Variants in DNM3 observed in about 807,000 individuals in gnomAD.
DNM3 encodes dynamin 3.
In DNM3, 47 loss-of-function variants were observed where a neutral mutation model predicts 101.6. That is an observed-to-expected ratio of 0.46 (90% CI 0.37 to 0.59). The LOEUF (loss-of-function observed/expected upper bound fraction) is 0.59, where lower values mean the gene tolerates loss of function less well. Ranked by LOEUF, DNM3 falls within the 20% of genes least tolerant of loss-of-function variation. The pLI, the probability that DNM3 is intolerant of heterozygous loss-of-function variation, is 0.00. For synonymous variants in DNM3, 385 were observed against 387.9 expected (o/e 0.99, Z 0.09); for missense variants, 849 against 1,085.7 (o/e 0.78, Z 3.06).
rs57400212 is a variant in DNM3, at chr1:172,100,827, G to A, written c.1545+7952G>A. 4.1e-3 allele frequency among the ~76,000 whole-genome samples: 625 copies of A among 152,124 alleles called. 6 individuals carry two copies. Among genetic ancestry groups the A allele is most frequent in the African/African-American group, 0.014 (581 of 41,484 alleles). On this transcript the variant is annotated intron_variant, in intron 13 of 20. Coordinates refer to ENST00000627582, the MANE Select transcript of DNM3 (RefSeq NM_015569.5). ...TGTTCTGCTCTTTTGCTGTGGTTCT[G>A]TTCTTGCCCCAACGGACTGCAAGAT...
intron 17 of DNM3, among the ~76,000 whole-genome samples, chr1:172,339,995 T>C (rs2148956196): frequency 6.6e-6 from 1 of 152,282 alleles, no homozygotes; most frequent in East Asian, 1.9e-4. Context: ...AAAGATAGTA[T>C]ACTTCATCCA....
At chr1:172,024,591 A>G (rs1037512467) in intron 4 of DNM3, among the ~76,000 whole-genome samples, 2 of 152,324 alleles carry the variant, frequency 1.3e-5, no homozygotes, top group Admixed American at 1.3e-4. Flanking sequence ...CTGTAATCCA[A>G]CTGAGGTACC....
intron 12 of DNM3, among the ~76,000 whole-genome samples, chr1:172,082,117 T>G (rs1352496323): frequency 6.6e-6 from 1 of 152,240 alleles, no homozygotes; most frequent in Non-Finnish European, 1.5e-5. Flanking sequence ...TTATGCAGCA[T>G]ATGAAGTCAT....
chr1:172,160,343 A>G (rs2058502163), intron 14 of DNM3, among the ~76,000 whole-genome samples: 2 of 152,122 alleles, frequency 1.3e-5, no homozygotes, highest in African/African-American at 4.8e-5. Flanking sequence ...TATTCGTAAT[A>G]CAGCTTGAAA....
At chr1:172,005,753 G>A (rs1572048419) in intron 4 of DNM3, among the ~76,000 whole-genome samples, 1 of 152,040 alleles carries the variant, frequency 6.6e-6, no homozygotes, top group South Asian at 2.1e-4. Context: ...TGAAAATCAC[G>A]TTCCTATTTA....
chr1:172,103,996 G>A (rs528722916), intron 13 of DNM3, among the ~76,000 whole-genome samples: 113 of 152,124 alleles, frequency 7.4e-4, no homozygotes, highest in African/African-American at 1.1e-3. Context: ...GCGAGACTCC[G>A]TCTCAAAAAA....
chr1:171,899,323 T>C (rs2125219751), intron 1 of DNM3, among the ~76,000 whole-genome samples: 1 of 152,358 alleles, frequency 6.6e-6, no homozygotes, highest in African/African-American at 2.4e-5. Flanking sequence ...GTGCCACTTT[T>C]GGTTTCTTTC....
Position 172,104,645 on chromosome 1 carries a change from T to C in DNM3, c.1545+11770T>C, listed in dbSNP as rs7548036. On this transcript the variant is annotated intron_variant, in intron 13 of 20. Transcript: ENST00000627582. ...TATTTATAAGGTTCTTGAGGTAAAGTTTTAAAAAATGTTTGATAGTAATGT... is the reference window on the plus strand; with the variant it reads ...TATTTATAAGGTTCTTGAGGTAAAGCTTTAAAAAATGTTTGATAGTAATGT... Among the ~76,000 whole-genome samples, 794 of 152,336 alleles carry C rather than the reference T, an allele frequency of 5.2e-3. 16 individuals carry two copies. Among genetic ancestry groups the C allele is most frequent in the African/African-American group, 0.018 (735 of 41,588 alleles).
At chr1:171,875,148 T>G (rs1482571016) in intron 1 of DNM3, among the ~76,000 whole-genome samples, 2 of 152,214 alleles carry the variant, frequency 1.3e-5, no homozygotes, top group African/African-American at 2.4e-5. Flanking sequence ...ATGTGTCTTT[T>G]TGGTAGAGCA....
chr1:171,940,786 A>G (rs79309331), intron 2 of DNM3, among the ~76,000 whole-genome samples: 2 of 152,104 alleles, frequency 1.3e-5, no homozygotes, highest in East Asian at 1.9e-4. Flanking sequence ...CTGACTTTTC[A>G]TCATTGTACT....
intron 14 of DNM3, among the ~76,000 whole-genome samples, chr1:172,170,352 T>C (rs1395939916): frequency 6.6e-6 from 1 of 151,824 alleles, no homozygotes; most frequent in Non-Finnish European, 1.5e-5. Context: ...TGAACACAGA[T>C]GTGCTAGACT....
chr1:171,880,236 T>C (rs2036145933), intron 1 of DNM3, among the ~76,000 whole-genome samples: 1 of 152,058 alleles, frequency 6.6e-6, no homozygotes, highest in Non-Finnish European at 1.5e-5. Flanking sequence ...AAACCTTGTA[T>C]ATTACAGTCT....
chr1:172,107,744 A>G (rs2055167056), intron 13 of DNM3, among the ~76,000 whole-genome samples: 2 of 152,132 alleles, frequency 1.3e-5, no homozygotes, highest in South Asian at 2.1e-4. Context: ...ATTTTTGTTC[A>G]TTGCTTCTCA....
At chr1:172,298,599 A>G (rs1557952401) in intron 15 of DNM3, among the ~76,000 whole-genome samples, 1 of 152,128 alleles carries the variant, frequency 6.6e-6, no homozygotes, top group East Asian at 1.9e-4. Flanking sequence ...CTACCTGAGT[A>G]CCACTCCCAA....
chr1:172,371,889 T>TA (rs2068348021), intron 17 of DNM3, among the ~76,000 whole-genome samples: 2 of 148,288 alleles, frequency 1.3e-5, no homozygotes, highest in African/African-American at 2.5e-5. Flanking sequence ...TTTTTTTACT[T>TA]TTTTATTTAT....
intron 1 of DNM3, among the ~76,000 whole-genome samples, chr1:171,898,025 C>G (rs977614402): frequency 6.6e-6 from 1 of 151,928 alleles, no homozygotes; most frequent in Non-Finnish European, 1.5e-5. Context: ...AGGGATTTTC[C>G]TATTCAGGAT....
chr1:172,266,086 A>G (rs894144581), intron 15 of DNM3, among the ~76,000 whole-genome samples: 5 of 152,164 alleles, frequency 3.3e-5, no homozygotes, highest in Admixed American at 3.3e-4. Flanking sequence ...GCCGCAATAT[A>G]GTTAGTGTGT....
chr1:172,140,923 G>A (rs1325296162), intron 14 of DNM3, among the ~76,000 whole-genome samples: 1 of 151,836 alleles, frequency 6.6e-6, no homozygotes, highest in Non-Finnish European at 1.5e-5. Flanking sequence ...ATTATAGGTT[G>A]AATATTAGTT....
At chr1:172,037,303 G>T (rs1401861462) in intron 6 of DNM3, among the ~76,000 whole-genome samples, 1 of 152,140 alleles carries the variant, frequency 6.6e-6, no homozygotes, top group East Asian at 1.9e-4. Context: ...TATACCCAAA[G>T]GACTATAAAT....
Sources: gnomAD v4.1 joint callset for allele counts (sites outside exome capture counted in the v4.1 genomes callset) on GRCh38, gnomAD v4.1.1 for gene constraint, MANE v1.5 for transcripts, NCBI Gene and HGNC (gene_info 2026-07-23, HGNC 2026-07-21) for gene names.